Variants in GSDMA observed in about 807,000 individuals in gnomAD.
GSDMA encodes gasdermin-A.
GSDMA carries 55 observed loss-of-function variants against 54.3 expected under a neutral mutation model. The ratio of observed to expected loss-of-function variants is 1.01; its 90% CI spans 0.82 to 1.27. The LOEUF is 1.27. Among genes scored for constraint, GSDMA ranks in the 50% most tolerant of loss-of-function variants. The probability of loss-of-function intolerance (pLI) is 0.00; values close to 1 mark genes in which losing one functional copy is unlikely to be tolerated. For synonymous variants in GSDMA, 211 were observed against 224.7 expected (o/e 0.94, Z 0.54); for missense variants, 542 against 542.6 (o/e 1.00, Z 0.01).
intron 6 of GSDMA, 55 bp from the exon 7 acceptor site, chr17:39,972,532 T>C (rs780356894): frequency 1.2e-5 from 19 of 1,582,244 alleles, no homozygotes; most frequent in East Asian, 2.2e-5. Context: ...CTGTTTTAGA[T>C]GAAAAGGCAA....
In GSDMA at chr17:39,966,241, T is replaced by C; in HGVS notation, c.215-19T>C. ...TGCACCCAGCCAGCCCAGCCCCTTTTGTCTTTTCCCTCCTGCAGACCCAAC... is the reference window on the plus strand; with the variant it reads ...TGCACCCAGCCAGCCCAGCCCCTTTCGTCTTTTCCCTCCTGCAGACCCAAC... On this transcript the variant is annotated intron_variant, in intron 2 of 11. Transcript: ENST00000301659. 6.2e-7 allele frequency: 1 copy of C among 1,613,618 alleles called. No homozygotes were observed. The highest frequency in any genetic ancestry group is 8.5e-7 in the Non-Finnish European group (1 of 1,179,746).
intron 9 of GSDMA, 75 bp downstream of exon 9, chr17:39,974,502 C>T: frequency 6.9e-7 from 1 of 1,444,520 alleles, no homozygotes; most frequent in Non-Finnish European, 9.3e-7. Flanking sequence ...GCGGGTATTG[C>T]AGCAGGTAGG....
chr17:39,974,243 G>A (rs1980091930), intron 8 of GSDMA, 30 bp from the exon 9 acceptor site: 1 of 1,585,916 alleles, frequency 6.3e-7, no homozygotes, highest in African/African-American at 1.4e-5. Context: ...GCCCGATGGA[G>A]GGCTGTGTGT....
At chr17:39,968,511 C>G (rs570783348) in intron 3 of GSDMA, among the ~76,000 whole-genome samples, 3 of 151,666 alleles carry the variant, frequency 2.0e-5, no homozygotes. Context: ...CTACATCCAG[C>G]TAATTTTTGT....
intron 3 of GSDMA, among the ~76,000 whole-genome samples, chr17:39,966,684 G>T (rs1232820068): frequency 6.6e-6 from 1 of 152,200 alleles, no homozygotes; most frequent in Non-Finnish European, 1.5e-5. Flanking sequence ...GCACAGGGAA[G>T]ATGATGTCCA....
chr17:39,965,482 T>G, intron 1 of GSDMA: 1 of 577,650 alleles, frequency 1.7e-6, no homozygotes, highest in Non-Finnish European at 3.1e-6. Context: ...CTTTCAACTC[T>G]CCAGCCCTAG....
In GSDMA at chr17:39,975,021, G is replaced by A. The variant is rs1980141008; in HGVS notation, c.1021+7G>A. 6.6e-7 allele frequency: 1 copy of A among 1,513,188 alleles called. No homozygotes were observed. Among genetic ancestry groups the A allele is most frequent in the African/African-American group, 1.4e-5 (1 of 73,088 alleles). 93.7% of individuals were successfully genotyped at this position (1,513,188 alleles called of 1,614,324 possible). On this transcript the variant is annotated splice_region_variant and intron_variant, in intron 10 of 11. Coordinates refer to ENST00000301659, the MANE Select transcript of GSDMA (RefSeq NM_178171.5). The stretch of plus-strand genomic sequence containing the variant: ...TTCGTTGGAGCCCTAACAGGTAAGT[G>A]GGGAATAAGGTCTTCATTTATAGAC...
At chr17:39,966,560 CA>C in intron 3 of GSDMA, 123 bp downstream of exon 3, 1 of 875,054 alleles carries the variant, frequency 1.1e-6, no homozygotes, top group South Asian at 2.0e-5. Flanking sequence ...GTGGTCATGA[CA>C]GGGGAGCTCT....
chr17:39,967,854 A>T (rs570209186), intron 3 of GSDMA, among the ~76,000 whole-genome samples: 513 of 150,414 alleles, frequency 3.4e-3, no homozygotes, highest in Non-Finnish European at 4.7e-3. Flanking sequence ...TTATTTATTT[A>T]TTTTATTTAT....
At chr17:39,963,715 A>T (rs1308139164) in intron 1 of GSDMA, among the ~76,000 whole-genome samples, 1 of 152,082 alleles carries the variant, frequency 6.6e-6, no homozygotes, top group African/African-American at 2.4e-5. Flanking sequence ...TTAGCTGGGC[A>T]TGGTGGCAGG....
intron 10 of GSDMA, among the ~76,000 whole-genome samples, chr17:39,975,568 A>T (rs1449820738): frequency 6.6e-6 from 1 of 152,216 alleles, no homozygotes; most frequent in Non-Finnish European, 1.5e-5. Context: ...CAACATATTT[A>T]AAATTTCTGC....
At chr17:39,969,470 T>G (rs1354837039) in intron 3 of GSDMA, among the ~76,000 whole-genome samples, 1 of 151,500 alleles carries the variant, frequency 6.6e-6, no homozygotes, top group Non-Finnish European at 1.5e-5. Context: ...CCAAAGAAAC[T>G]GGAAAATGAG....
chr17:39,974,075 G>A (rs760144284), intron 8 of GSDMA, among the ~76,000 whole-genome samples, 198 bp from the exon 9 acceptor site: 4 of 152,124 alleles, frequency 2.6e-5, no homozygotes, highest in Non-Finnish European at 4.4e-5. Flanking sequence ...CCACCTTCTC[G>A]CCCCAACCCT....
At chr17:39,973,927 C>A in intron 8 of GSDMA, 97 bp downstream of exon 8, 2 of 1,166,940 alleles carry the variant, frequency 1.7e-6, no homozygotes, top group South Asian at 1.3e-5. Flanking sequence ...TCAGCTAACT[C>A]ATGGGAAGGG....
At chr17:39,965,003 C>A (rs1466768362) in intron 1 of GSDMA, among the ~76,000 whole-genome samples, 1 of 151,942 alleles carries the variant, frequency 6.6e-6, no homozygotes, top group East Asian at 1.9e-4. Flanking sequence ...GACTGCAGTC[C>A]CAGCTACTCA....
chr17:39,966,232 A>T, intron 2 of GSDMA, 28 bp from the exon 3 acceptor site: 11 of 1,613,186 alleles, frequency 6.8e-6, no homozygotes, highest in Non-Finnish European at 9.3e-6. Flanking sequence ...CAGCCAGCCC[A>T]GCCCCTTTTG....
At chr17:39,965,077 G>A (rs985472013) in intron 1 of GSDMA, among the ~76,000 whole-genome samples, 8 of 151,060 alleles carry the variant, frequency 5.3e-5, no homozygotes, top group African/African-American at 1.9e-4. Context: ...CTGTGATCAC[G>A]CCACTGCACT....
intron 6 of GSDMA, 83 bp from the exon 7 acceptor site, chr17:39,972,504 A>G: frequency 3.1e-6 from 4 of 1,293,252 alleles, no homozygotes; most frequent in Non-Finnish European, 3.3e-6. Flanking sequence ...ATGATCACTG[A>G]TGAAACTGCC....
intron 1 of GSDMA, among the ~76,000 whole-genome samples, chr17:39,963,762 G>A (rs1979515291): frequency 6.6e-6 from 1 of 152,166 alleles, no homozygotes. Flanking sequence ...ACTGAGGCAG[G>A]AGAATCACTT....
Sources: gnomAD v4.1 joint callset for allele counts (sites outside exome capture counted in the v4.1 genomes callset) on GRCh38, gnomAD v4.1.1 for gene constraint, MANE v1.5 for transcripts, NCBI Gene and HGNC (gene_info 2026-07-23, HGNC 2026-07-21) for gene names.